NOTCH2: variants seen among roughly 807,000 people sequenced by gnomAD.
NOTCH2 encodes the protein neurogenic locus notch homolog protein 2.
NOTCH2 carries 29 observed loss-of-function variants against 235.8 expected under a neutral mutation model. The ratio of observed to expected loss-of-function variants is 0.12; its 90% CI spans 0.09 to 0.17. The LOEUF (loss-of-function observed/expected upper bound fraction) is 0.17. NOTCH2 is among the 10% of genes least tolerant of loss of function. The pLI, the probability that NOTCH2 is intolerant of heterozygous loss-of-function variation, is 1.00. For missense variants in NOTCH2, 2,285 were observed against 3,150.2 expected (o/e 0.73, Z 6.57); for synonymous variants, 1,086 against 1,141.5 (o/e 0.95, Z 0.98).
chr1:119,935,652 A>G lies in NOTCH2; in HGVS notation c.3523-48T>C, dbSNP rs782139906. The G allele has an allele frequency of 7.5e-6, 12 of 1,605,558 alleles. No individual in the cohort carries two copies. The Admixed American group carries it at 1.8e-4, about 25-fold the overall frequency. On this transcript the variant is annotated intron_variant, in intron 21 of 33. Transcript: ENST00000256646. ...ACAAGAAATATTGGACCATTACTGG[A>G]AACAGACCATGAGAGCTAGTGAGAT... is the stretch of plus-strand genomic sequence containing the variant.
chr1:119,948,269 T>A (rs1553197283), intron 17 of NOTCH2, 145 bp downstream of exon 17: 17 of 830,032 alleles, frequency 2.0e-5, no homozygotes, highest in Non-Finnish European at 2.8e-5. Flanking sequence ...AAGAAAGAGT[T>A]AAAACACTAC....
intron 5 of NOTCH2, among the ~76,000 whole-genome samples, chr1:119,973,520 T>G (rs1243291558): frequency 6.6e-6 from 1 of 152,162 alleles, no homozygotes; most frequent in Non-Finnish European, 1.5e-5. Context: ...GAAACCCGGA[T>G]TGATCTGACT....
intron 5 of NOTCH2, among the ~76,000 whole-genome samples, chr1:119,986,166 A>C (rs1652010775): frequency 6.6e-6 from 1 of 152,180 alleles, no homozygotes; most frequent in Non-Finnish European, 1.5e-5. Context: ...ATTTTTTCTT[A>C]TAATACTAAC....
rs1570662287 is a variant in NOTCH2 at position 119,923,657 on chromosome 1, T to G, written c.4839A>C (p.Glu1613Asp). 2 of 1,614,112 alleles carry G rather than the reference T, an allele frequency of 1.2e-6. No individual in the cohort carries two copies. Among genetic ancestry groups the G allele is most frequent in the Admixed American group, 1.7e-5 (1 of 60,028 alleles). The change falls in exon 26 of 34, where the codon GAA (glutamate) becomes GAC (aspartate). Residue 1613 changes from glutamate (E) to aspartate (D), a missense_variant. Glu to Asp is a conservative substitution (Grantham distance 45). This residue lies in a region of NOTCH2 where 1,173 missense variants were observed against 1,515.3 expected (regional missense o/e 0.77). Coordinates refer to ENST00000256646, the MANE Select transcript of NOTCH2 (RefSeq NM_024408.4). ...CCTACCCAGCCACCTCCTGTTCTTGTTCACCAGGAAGGGATCTGCGTGTCA... is the reference window on the plus strand; with the variant it reads ...CCTACCCAGCCACCTCCTGTTCTTGGTCACCAGGAAGGGATCTGCGTGTCA... ...QRMTRRSLPG[E>D]QEQEVAGSKV...
In NOTCH2 at chr1:119,929,061, G is replaced by C. The variant is rs1553194805; in HGVS notation, c.3807C>G (p.Leu1269=). The change falls in exon 23 of 34, where the codon CTC becomes CTG. Residue 1269 remains leucine, a synonymous_variant. Coordinates refer to ENST00000256646, the MANE Select transcript of NOTCH2 (RefSeq NM_024408.4). ...TGCCCTCAGAGCTGCAGGGGTTGGA[G>C]AGGCACTCGTTGATGTCTCCCTCAC... ...ERCEGDINEC[L]SNPCSSEGSL... 6.2e-7 allele frequency: 1 copy of C among 1,614,156 alleles called. No individual in the cohort carries two copies. The highest frequency in any genetic ancestry group is 1.1e-5 in the South Asian group (1 of 91,086).
rs1650028153 is a variant in NOTCH2 at position 119,940,541 on chromosome 1, A to C, written c.3183+14T>G. 6.2e-7 allele frequency: 1 copy of C among 1,611,540 alleles called. No homozygotes were observed. The highest frequency in any genetic ancestry group is 8.5e-7 in the Non-Finnish European group (1 of 1,178,484). Reference sequence around the variant, plus strand: ...CTCTAGGGGAGCTGAGTGAATGGGAAGGAAGTCAATTACCTGACAGTTTTT... The same window carrying C: ...CTCTAGGGGAGCTGAGTGAATGGGACGGAAGTCAATTACCTGACAGTTTTT... On this transcript the variant is annotated intron_variant, in intron 19 of 33. Transcript: ENST00000256646.
intron 2 of NOTCH2, among the ~76,000 whole-genome samples, chr1:120,023,428 C>T (rs1334105627): frequency 1.6e-4 from 23 of 147,160 alleles, no homozygotes; most frequent in African/African-American, 5.6e-4. Context: ...CAGAGCGAGA[C>T]TCTGTCTCAA....
chr1:119,951,154 T>C (rs587762000), intron 14 of NOTCH2, among the ~76,000 whole-genome samples: 4 of 152,306 alleles, frequency 2.6e-5, no homozygotes, highest in Admixed American at 2.6e-4. Context: ...CTATTTATTA[T>C]TTATTTATTT....
rs7528587 is a variant in NOTCH2 at position 119,945,860 on chromosome 1, T to C, written c.2752+2554A>G. Among the ~76,000 whole-genome samples, 859 of 152,062 alleles carry C rather than the reference T, an allele frequency of 5.6e-3. 11 individuals are homozygous for C. Among genetic ancestry groups the C allele is most frequent in the African/African-American group, 0.02 (825 of 41,522 alleles). On this transcript the variant is annotated intron_variant, in intron 17 of 33. Transcript: ENST00000256646. ...AGTAGACAGAAAGTCATAGAGGACA[T>C]AAAAGACCTGAATAACACTACCCTA...
chr1:119,925,974 T>C (rs1338606813), intron 24 of NOTCH2, among the ~76,000 whole-genome samples, 164 bp from the exon 25 acceptor site: 2 of 152,228 alleles, frequency 1.3e-5, no homozygotes, highest in Non-Finnish European at 2.9e-5. Context: ...TCCCGAGGCA[T>C]AGGGATCTCT....
In NOTCH2 at chr1:119,949,143, A is replaced by G; in HGVS notation, c.2480-17T>C. On this transcript the variant is annotated splice_polypyrimidine_tract_variant and intron_variant, in intron 15 of 33. Coordinates refer to ENST00000256646, the MANE Select transcript of NOTCH2 (RefSeq NM_024408.4). ...AATTCTTGCCTAGAAAGTAAATGAC[A>G]GAGTTTATGACAGATAAACAGGTAA... The G allele has an allele frequency of 1.2e-6, 2 of 1,614,168 alleles. No homozygotes were observed. Among genetic ancestry groups the G allele is most frequent in the Non-Finnish European group, 1.7e-6 (2 of 1,180,000 alleles).
intron 2 of NOTCH2, among the ~76,000 whole-genome samples, chr1:120,023,293 C>G (rs187441149): frequency 6.6e-6 from 1 of 150,742 alleles, no homozygotes; most frequent in South Asian, 2.1e-4. Context: ...AAAAATTAGC[C>G]GGGCGTGGTG....
intron 15 of NOTCH2, chr1:119,950,362 A>G (rs1650423886): frequency 2.5e-6 from 1 of 394,536 alleles, no homozygotes; most frequent in African/African-American, 2.1e-5. Flanking sequence ...GGCACATAGT[A>G]AATTACCAAT....
At chr1:119,942,916 C>T (rs902361991) in intron 17 of NOTCH2, among the ~76,000 whole-genome samples, 8 of 149,524 alleles carry the variant, frequency 5.4e-5, no homozygotes, top group Non-Finnish European at 8.9e-5. Context: ...TCTGTTGCCC[C>T]GGCTGGAGTG....
In NOTCH2 at chr1:119,950,836, G is replaced by C; in HGVS notation, c.2367C>G (p.Gly789=). Residue 789 remains glycine, a splice_region_variant and synonymous_variant, in exon 15 of 34, where the codon GGC becomes GGG. Transcript: ENST00000256646. ...YRCTCKKGFK[G]YNCQVNIDEC... is the part of the protein sequence containing the mutation. ...CATCAATATTCACCTGGCAGTTATA[G>C]CCTGTAGACAAAAGGAAAAAACCAA... 1 of 1,604,584 alleles carries C rather than the reference G, an allele frequency of 6.2e-7. No individual in the cohort carries two copies. Among genetic ancestry groups the C allele is most frequent in the Non-Finnish European group, 8.5e-7 (1 of 1,171,312 alleles).
chr1:119,997,352 A>G lies in NOTCH2; in HGVS notation c.416-20T>C. On this transcript the variant is annotated intron_variant, in intron 3 of 33. Coordinates refer to ENST00000256646, the MANE Select transcript of NOTCH2 (RefSeq NM_024408.4). ...CCTTACCTAAAGGAAGGATAACAAA[A>G]CTCAGTACTGGCCACAGAAATAGGA... 1 of 1,612,832 alleles carries G rather than the reference A, an allele frequency of 6.2e-7. No individual in the cohort carries two copies. Among genetic ancestry groups the G allele is most frequent in the Non-Finnish European group, 8.5e-7 (1 of 1,178,816 alleles).
chr1:119,999,931 GAAA>G (rs1652654624), intron 3 of NOTCH2, among the ~76,000 whole-genome samples: 1 of 86,844 alleles, frequency 1.2e-5, no homozygotes, highest in African/African-American at 6.3e-5. Flanking sequence ...AAGAAAGAAA[GAAA>G]GAAAGAAAGA....
chr1:120,031,457 AC>A (rs1208542664), intron 1 of NOTCH2, among the ~76,000 whole-genome samples: 1 of 132,038 alleles, frequency 7.6e-6, no homozygotes, highest in African/African-American at 2.8e-5. Flanking sequence ...ATTTCATTAT[AC>A]CCACTCTCAG....
chr1:119,926,321 GT>G (rs1412893659), intron 24 of NOTCH2, among the ~76,000 whole-genome samples, 177 bp downstream of exon 24: 12 of 152,168 alleles, frequency 7.9e-5, no homozygotes, highest in African/African-American at 2.9e-4. Context: ...TTTTTGTTTT[GT>G]TTTGTCACTT....
Sources: allele counts gnomAD v4.1 joint callset (sites outside exome capture counted in the v4.1 genomes callset), GRCh38; gene constraint gnomAD v4.1.1; regional missense constraint gnomAD v4.1.1; transcripts MANE v1.5; gene names NCBI Gene and HGNC (gene_info 2026-07-23, HGNC 2026-07-21).